GALNT7: variants seen among roughly 807,000 people sequenced by gnomAD.
The protein encoded by GALNT7 is N-acetylgalactosaminyltransferase 7.
GALNT7 carries 60 observed loss-of-function variants against 82.1 expected under a neutral mutation model. That is an observed-to-expected ratio of 0.73 (90% CI 0.59 to 0.91). The LOEUF (loss-of-function observed/expected upper bound fraction) is 0.91. GALNT7 is among the 40% of genes least tolerant of loss of function. The pLI is 0.00. For synonymous variants in GALNT7, 243 were observed against 275.1 expected (o/e 0.88, Z 1.15); for missense variants, 660 against 804.2 (o/e 0.82, Z 2.17).
chr4:173,295,100 C>T (rs1736672777), intron 3 of GALNT7, among the ~76,000 whole-genome samples: 1 of 152,178 alleles, frequency 6.6e-6, no homozygotes, highest in Admixed American at 6.5e-5. Context: ...TTGACATTAA[C>T]ATGTGAACAG....
chr4:173,223,238 T>C (rs1733699146), intron 1 of GALNT7, among the ~76,000 whole-genome samples: 1 of 152,210 alleles, frequency 6.6e-6, no homozygotes, highest in Admixed American at 6.5e-5. Context: ...CTCCATTCAT[T>C]GCCTTTTAAA....
intron 8 of GALNT7, among the ~76,000 whole-genome samples, chr4:173,307,374 G>A (rs1161901554): frequency 6.6e-6 from 1 of 152,226 alleles, no homozygotes; most frequent in Non-Finnish European, 1.5e-5. Flanking sequence ...CAGAATGCGA[G>A]GTACCAGATG....
chr4:173,310,592 ATAATAT>A (rs1285318095), intron 8 of GALNT7, among the ~76,000 whole-genome samples: 12 of 152,342 alleles, frequency 7.9e-5, no homozygotes, highest in African/African-American at 1.9e-4. Flanking sequence ...TTTAAAAATA[ATAATAT>A]TAATAATAGC....
In GALNT7 at chr4:173,323,055, T is replaced by C. The variant is rs1578928648; in HGVS notation, c.*1338T>C. 1 of 151,626 alleles carries C rather than the reference T, an allele frequency of 6.6e-6. No individual in the cohort carries two copies. Among genetic ancestry groups the C allele is most frequent in the Non-Finnish European group, 1.5e-5 (1 of 67,924 alleles). The allele number at this position is 151,626 out of a possible 1,614,324, so 9.4% of individuals were successfully genotyped here. ...TATTAGGAAAACCAAATATTGCAAA[T>C]GGTCAATTCGATTTTAATTTCTCAA... On this transcript the variant is annotated 3_prime_UTR_variant, in exon 12 of 12. Transcript: ENST00000265000.
At chr4:173,261,338 A>T (rs995545879) in intron 2 of GALNT7, among the ~76,000 whole-genome samples, 1 of 152,050 alleles carries the variant, frequency 6.6e-6, no homozygotes, top group African/African-American at 2.4e-5. Flanking sequence ...ACCCATGCAG[A>T]CAAGGGAAGG....
rs545265227 is a variant in GALNT7 at position 173,250,951 on chromosome 4, TGCTAAG to T, written c.587+2514_587+2519del. Among the ~76,000 whole-genome samples, 36 of 152,368 alleles carry T rather than the reference TGCTAAG, an allele frequency of 2.4e-4. 2 individuals carry two copies. The South Asian group carries it at 7.4e-3, about 32-fold the overall frequency. On this transcript the variant is annotated intron_variant, in intron 2 of 11. Transcript: ENST00000265000. ...ACTTCTCTAACCATGCTGTCTAATT[TGCTAAG>T]GCCCCACTTTATTCTCTATTACTTC...
chr4:173,230,893 TA>T (rs1734010723), intron 1 of GALNT7, among the ~76,000 whole-genome samples: 1 of 152,230 alleles, frequency 6.6e-6, no homozygotes, highest in Non-Finnish European at 1.5e-5. Flanking sequence ...AGGCATTTGA[TA>T]AATTTTTGGT....
chr4:173,256,933 C>T (rs761299234), intron 2 of GALNT7, among the ~76,000 whole-genome samples: 8 of 152,184 alleles, frequency 5.3e-5, no homozygotes, highest in Non-Finnish European at 1.0e-4. Flanking sequence ...AAATAGACGA[C>T]TCTCAATAGA....
intron 1 of GALNT7, among the ~76,000 whole-genome samples, chr4:173,218,899 A>G (rs1733552391): frequency 6.6e-6 from 1 of 152,194 alleles, no homozygotes; most frequent in African/African-American, 2.4e-5. Flanking sequence ...ATGCAAAGAT[A>G]AATGAGTCAT....
Position 173,302,258 on chromosome 4 carries a change from C to T in GALNT7, c.1266+94C>T. 1 of 749,668 alleles carries T rather than the reference C, an allele frequency of 1.3e-6. No individual in the cohort carries two copies. Among genetic ancestry groups the T allele is most frequent in the East Asian group, 2.5e-5 (1 of 40,766 alleles). The allele number at this position is 749,668 out of a possible 1,614,324, so 46.4% of individuals were successfully genotyped here. Reference sequence around the variant, plus strand: ...TAGTTTTTTGTGGGGGAAAAAAGCCCACAATTATATCATGCATTTCTCCAA... The same window carrying T: ...TAGTTTTTTGTGGGGGAAAAAAGCCTACAATTATATCATGCATTTCTCCAA... On this transcript the variant is annotated intron_variant, in intron 7 of 11. Transcript: ENST00000265000. The surrounding 1 kb of genome is among the most constrained non-coding windows in gnomAD (Gnocchi z 4.2).
rs1736576185 is a variant in GALNT7, at chr4:173,292,339, T to G, written c.754+65T>G. ...TTAAGCATGAATAATTGCAAAAAGG[T>G]GATTTCAAAATAATTAGCTTTAAAA... On this transcript the variant is annotated intron_variant, in intron 3 of 11. Transcript: ENST00000265000. This position sits in a 1 kb window ranked among gnomAD's most constrained non-coding sequence, Gnocchi z 4.8. The G allele has an allele frequency of 9.8e-7, 1 of 1,018,914 alleles. No homozygotes were observed. Among genetic ancestry groups the G allele is most frequent in the East Asian group, 2.5e-5 (1 of 40,000 alleles). The allele number at this position is 1,018,914 out of a possible 1,614,324, so 63.1% of individuals were successfully genotyped here. A position where few individuals can be genotyped will look rare whatever the true frequency, so the allele number is the denominator to read the frequency against.
At chr4:173,182,946 ACTCT>A (rs201796206) in intron 1 of GALNT7, among the ~76,000 whole-genome samples, 1 of 149,852 alleles carries the variant, frequency 6.7e-6, no homozygotes, top group African/African-American at 2.5e-5. Context: ...ACACACACAC[ACTCT>A]GCTTTTTCTC....
At chr4:173,231,390 G>A (rs1323230692) in intron 1 of GALNT7, among the ~76,000 whole-genome samples, 2 of 152,116 alleles carry the variant, frequency 1.3e-5, no homozygotes, top group South Asian at 2.1e-4. Context: ...AAATTTCTGG[G>A]TTTCTACAAA....
intron 2 of GALNT7, among the ~76,000 whole-genome samples, chr4:173,289,391 TG>T (rs1216633959): frequency 6.6e-6 from 1 of 151,876 alleles, no homozygotes; most frequent in Non-Finnish European, 1.5e-5. Flanking sequence ...GACACAAGGG[TG>T]GGGGTGGAGC....
Position 173,219,225 on chromosome 4 carries a change from G to A in GALNT7, c.127-28755G>A, listed in dbSNP as rs190862431. On this transcript the variant is annotated intron_variant, in intron 1 of 11. Transcript: ENST00000265000. The stretch of plus-strand genomic sequence containing the variant: ...TCACTTATGAGTGAGAGCATATGAT[G>A]TTTGGCTTTCCATTCCTGAGTTACT... Among the ~76,000 whole-genome samples, 3 of 152,144 alleles carry A rather than the reference G, an allele frequency of 2.0e-5. No individual in the cohort carries two copies. In the East Asian group the frequency reaches 5.8e-4, roughly 29 times the overall value.
At chr4:173,299,589 G>A (rs540815074) in intron 6 of GALNT7, among the ~76,000 whole-genome samples, 3 of 152,336 alleles carry the variant, frequency 2.0e-5, no homozygotes, top group African/African-American at 4.8e-5. Context: ...GCTCACACCT[G>A]TAATCCCAGC....
intron 1 of GALNT7, among the ~76,000 whole-genome samples, chr4:173,171,170 TAAG>T (rs1029651023): frequency 4.6e-5 from 7 of 152,336 alleles, no homozygotes; most frequent in African/African-American, 1.7e-4. Context: ...TTATAAATAA[TAAG>T]AGCATAAATA....
rs1734736280 is a variant in GALNT7, at chr4:173,248,373, G to A, written c.520G>A (p.Gly174Arg). Residue 174 changes from glycine (G) to arginine (R), a missense_variant, in exon 2 of 12, where the codon GGA becomes AGA. By Grantham distance (125) the Gly-to-Arg change is moderately radical (BLOSUM62 -2). Coordinates refer to ENST00000265000, the MANE Select transcript of GALNT7 (RefSeq NM_017423.3). ...QAIQASIKEF[G>R]FNMVASDMIS... ...AATTCAAGCCAGCATTAAAGAGTTT[G>A]GATTTAACATGGTGGCAAGTGACAT... 6.2e-7 allele frequency: 1 copy of A among 1,613,774 alleles called. No individual in the cohort carries two copies. The highest frequency in any genetic ancestry group is 1.1e-5 in the South Asian group (1 of 91,082).
chr4:173,213,421 A>G (rs895050098), intron 1 of GALNT7, among the ~76,000 whole-genome samples: 21 of 152,116 alleles, frequency 1.4e-4, no homozygotes, highest in African/African-American at 4.8e-4. Context: ...GTAAAGAAGA[A>G]CTAGTCTGGA....
Sources: gnomAD v4.1 joint callset for allele counts (sites outside exome capture counted in the v4.1 genomes callset) on GRCh38, gnomAD v4.1.1 for gene constraint, Gnocchi (gnomAD v3.1) non-coding constraint, MANE v1.5 for transcripts, NCBI Gene and HGNC (gene_info 2026-07-23, HGNC 2026-07-21) for gene names.